The following MIDEAS variants were observed in gnomAD, a reference collection of about 807,000 sequenced individuals.
MIDEAS encodes mitotic deacetylase associated SANT domain protein.
Under a neutral mutation model 102.7 loss-of-function variants are expected in MIDEAS, and 26 were observed. The ratio of observed to expected loss-of-function variants is 0.25; its 90% CI spans 0.19 to 0.35. The LOEUF is 0.35. Ranked by LOEUF, MIDEAS falls within the 10% of genes least tolerant of loss-of-function variation. MIDEAS has a pLI of 1.00. For missense variants in MIDEAS, 1,231 were observed against 1,435.6 expected (o/e 0.86, Z 2.30); for synonymous variants, 585 against 591.0 (o/e 0.99, Z 0.15).
At chr14:73,728,988 A>G (rs1220870039) in intron 4 of MIDEAS, 1 of 152,324 alleles carries the variant, frequency 6.6e-6, no homozygotes, top group African/African-American at 2.4e-5. Flanking sequence ...TCTATAAGCT[A>G]GCTACTTCCA....
Position 73,727,474 on chromosome 14 carries a change from G to C in MIDEAS, c.2146C>G (p.Pro716Ala), listed in dbSNP as rs200440320. ...TGCACTTACGGCTCGATGCTCACTGGGGTGGCCTCCCCCATCACAGAGAGG... is the reference window on the plus strand; with the variant it reads ...TGCACTTACGGCTCGATGCTCACTGCGGTGGCCTCCCCCATCACAGAGAGG... ...PVLSVMGEAT[P>A]VSIEPRINVG... The change falls in exon 5 of 13, where the codon CCA becomes GCA. Residue 716 changes from proline to alanine, a missense_variant. Around this residue, in one of 5 missense-constraint regions of MIDEAS, gnomAD observed 391 missense variants for 483.0 expected, o/e 0.81. Transcript: ENST00000423556. 146 of 1,613,810 alleles carry C rather than the reference G, an allele frequency of 9.0e-5. No homozygotes were observed. Among genetic ancestry groups the C allele is most frequent in the Non-Finnish European group, 9.2e-5 (109 of 1,179,964 alleles).
intron 1 of MIDEAS, among the ~76,000 whole-genome samples, chr14:73,745,218 C>T (rs1438312640): frequency 6.6e-6 from 1 of 152,196 alleles, no homozygotes; most frequent in Admixed American, 6.5e-5. Context: ...TACCCCTGGC[C>T]CCAGGCCCTC....
At chr14:73,771,567 G>T (rs1284050096) in intron 1 of MIDEAS, among the ~76,000 whole-genome samples, 1 of 152,212 alleles carries the variant, frequency 6.6e-6, no homozygotes, top group Non-Finnish European at 1.5e-5. Context: ...GGAGTGGTGG[G>T]TGAGAAGGCC....
intron 1 of MIDEAS, among the ~76,000 whole-genome samples, chr14:73,747,273 T>C (rs2053364905): frequency 6.6e-6 from 1 of 152,184 alleles, no homozygotes; most frequent in Non-Finnish European, 1.5e-5. Context: ...GGACTGTTTG[T>C]CAGGTAACCA....
chr14:73,768,252 T>C (rs1480377422), intron 1 of MIDEAS, among the ~76,000 whole-genome samples: 1 of 152,180 alleles, frequency 6.6e-6, no homozygotes, highest in Non-Finnish European at 1.5e-5. Context: ...AAGCCATTTT[T>C]CCCATTTTAT....
chr14:73,785,039 A>T (rs1488821193), intron 1 of MIDEAS, among the ~76,000 whole-genome samples: 1 of 152,180 alleles, frequency 6.6e-6, no homozygotes, highest in Non-Finnish European at 1.5e-5. Context: ...AGTGCACTGG[A>T]ATCATCAGTA....
At chr14:73,730,023 C>CG in intron 3 of MIDEAS, 38 bp from the exon 4 acceptor site, 1 of 1,595,348 alleles carries the variant, frequency 6.3e-7, no homozygotes, top group Non-Finnish European at 8.6e-7. Flanking sequence ...CTCAGCCCCC[C>CG]GTGTCCCAGA....
chr14:73,717,302 G>A lies in MIDEAS; in HGVS notation c.*1541C>T, dbSNP rs368524786. On this transcript the variant is annotated 3_prime_UTR_variant, in exon 13 of 13. Coordinates refer to ENST00000423556, the MANE Select transcript of MIDEAS (RefSeq NM_001367710.1). Reference sequence around the variant, plus strand: ...GTTGAATAAGATCAGAAAAATAGCTGAGCCCCGCTATGGGACTGGAAGTGA... The same window carrying A: ...GTTGAATAAGATCAGAAAAATAGCTAAGCCCCGCTATGGGACTGGAAGTGA... 3 of 152,166 alleles carry A rather than the reference G, an allele frequency of 2.0e-5. No individual in the cohort carries two copies. The highest frequency in any genetic ancestry group is 6.5e-5 in the Admixed American group (1 of 15,276). The allele number at this position is 152,166 out of a possible 1,614,324, so 9.4% of individuals were successfully genotyped here.
chr14:73,788,826 G>A (rs1375969494), upstream of MIDEAS: 2 of 152,178 alleles, frequency 1.3e-5, no homozygotes, highest in Non-Finnish European at 2.9e-5. Flanking sequence ...TGTTAGCCAG[G>A]CTTCTAAAGG....
intron 11 of MIDEAS, among the ~76,000 whole-genome samples, chr14:73,720,539 G>C (rs553938576): frequency 6.6e-6 from 1 of 151,954 alleles, no homozygotes; most frequent in Non-Finnish European, 1.5e-5. Flanking sequence ...GAGCCACTGC[G>C]CCCGGCCTAC....
chr14:73,725,194 G>A lies in MIDEAS; in HGVS notation c.2574+78C>T, dbSNP rs1187053955. The A allele has an allele frequency of 9.2e-7, 1 of 1,090,904 alleles. No individual in the cohort carries two copies. Among genetic ancestry groups the A allele is most frequent in the African/African-American group, 1.5e-5 (1 of 64,962 alleles). 67.6% of individuals were successfully genotyped at this position (1,090,904 alleles called of 1,614,324 possible). A position where few individuals can be genotyped will look rare whatever the true frequency, so the allele number is the denominator to read the frequency against. ...ACCTGACTGCTTTTTAAGAGGGATT[G>A]GTCACTGGCAGAGGGAGCCCCAAAG... On this transcript the variant is annotated intron_variant, in intron 9 of 12. Transcript: ENST00000423556. This position sits in a 1 kb window ranked among gnomAD's most constrained non-coding sequence, Gnocchi z 4.1.
At chr14:73,767,559 G>A (rs1486078906) in intron 1 of MIDEAS, among the ~76,000 whole-genome samples, 1 of 152,246 alleles carries the variant, frequency 6.6e-6, no homozygotes, top group African/African-American at 2.4e-5. Flanking sequence ...GATTGCTTGA[G>A]CCCAGGAGTT....
intron 1 of MIDEAS, among the ~76,000 whole-genome samples, chr14:73,774,669 A>T (rs539163618): frequency 1.3e-5 from 2 of 151,982 alleles, no homozygotes; most frequent in South Asian, 4.2e-4. Flanking sequence ...TACAGGTTTT[A>T]TACCCCCAAA....
chr14:73,766,137 G>C (rs993373535), intron 1 of MIDEAS, among the ~76,000 whole-genome samples: 4 of 152,172 alleles, frequency 2.6e-5, no homozygotes, highest in African/African-American at 9.7e-5. Flanking sequence ...CAGCCACTCT[G>C]TTCCCTAAAC....
chr14:73,722,174 A>C (rs933580360), intron 10 of MIDEAS, among the ~76,000 whole-genome samples: 1 of 152,234 alleles, frequency 6.6e-6, no homozygotes, highest in Non-Finnish European at 1.5e-5. Flanking sequence ...GAATTCAGTA[A>C]TACTGGTTTT....
At position 73,736,994 on chromosome 14, in the gene MIDEAS, A is replaced by T. The variant is rs2053208943; in HGVS notation, c.1749+4T>A. The T allele has an allele frequency of 6.2e-7, 1 of 1,610,058 alleles. No individual in the cohort carries two copies. Among genetic ancestry groups the T allele is most frequent in the African/African-American group, 1.3e-5 (1 of 74,826 alleles). ...GAGGTGTTTAGAAGGGGCGCCTCTCATACCTGAGCTTGAGCATCTGTCCCG... is the reference window on the plus strand; with the variant it reads ...GAGGTGTTTAGAAGGGGCGCCTCTCTTACCTGAGCTTGAGCATCTGTCCCG... On this transcript the variant is annotated splice_donor_region_variant and intron_variant, in intron 3 of 12. Transcript: ENST00000423556.
intron 2 of MIDEAS, among the ~76,000 whole-genome samples, chr14:73,737,773 C>CTT (rs5809628): frequency 6.4e-4 from 57 of 89,212 alleles, no homozygotes; most frequent in African/African-American, 9.4e-4. Context: ...TCTCCGACCA[C>CTT]TTTTTTTTTT....
chr14:73,715,335 T>C lies in MIDEAS; in HGVS notation c.*3508A>G, dbSNP rs570163286. The C allele has an allele frequency of 6.5e-6, 1 of 152,788 alleles. No homozygotes were observed. Among genetic ancestry groups the C allele is most frequent in the South Asian group, 2.1e-4 (1 of 4,830 alleles). The allele number at this position is 152,788 out of a possible 1,614,324, so 9.5% of individuals were successfully genotyped here. ...TATTTATATATGTACACTATTTTAA[T>C]ATGTAACAGTCTTTTTAAAAAAGGA... On this transcript the variant is annotated 3_prime_UTR_variant, in exon 13 of 13. Coordinates refer to ENST00000423556, the MANE Select transcript of MIDEAS (RefSeq NM_001367710.1).
intron 3 of MIDEAS, among the ~76,000 whole-genome samples, chr14:73,730,886 A>G (rs2053129589): frequency 6.6e-6 from 1 of 152,140 alleles, no homozygotes; most frequent in Non-Finnish European, 1.5e-5. Flanking sequence ...TGAACCCGGG[A>G]GGTGGAGGTT....
Sources: allele counts gnomAD v4.1 joint callset (sites outside exome capture counted in the v4.1 genomes callset), GRCh38; gene constraint gnomAD v4.1.1; regional missense constraint gnomAD v4.1.1; non-coding constraint Gnocchi (gnomAD v3.1); transcripts MANE v1.5; gene names NCBI Gene and HGNC (gene_info 2026-07-23, HGNC 2026-07-21).